The following FRMD5 variants were observed in gnomAD, a reference collection of about 807,000 sequenced individuals.
The protein encoded by FRMD5 is FERM domain-containing protein 5.
In FRMD5, 20 loss-of-function variants were observed where a neutral mutation model predicts 69.0. The observed-to-expected ratio is 0.29, with a 90% confidence interval of 0.20 to 0.42. The LOEUF is 0.42. Among genes scored for constraint, FRMD5 ranks in the 10% least tolerant of loss-of-function variants. The probability of loss-of-function intolerance (pLI) is 1.00; values close to 1 mark genes in which losing one functional copy is unlikely to be tolerated. For synonymous variants in FRMD5, 271 were observed against 260.1 expected (o/e 1.04, Z -0.40); for missense variants, 595 against 708.6 (o/e 0.84, Z 1.82).
chr15:44,148,540 G>A (rs2077393572), intron 1 of FRMD5, among the ~76,000 whole-genome samples: 1 of 152,130 alleles, frequency 6.6e-6, no homozygotes, highest in South Asian at 2.1e-4. Context: ...CAAAGTGCTG[G>A]GATTACAGGC....
intron 1 of FRMD5, among the ~76,000 whole-genome samples, chr15:44,193,892 C>T (rs1250883344): frequency 6.6e-6 from 1 of 152,230 alleles, no homozygotes; most frequent in Non-Finnish European, 1.5e-5. Flanking sequence ...TTTTGTCTGT[C>T]ACATCTGAGC....
At chr15:43,929,160 C>A (rs1372408214) in intron 1 of FRMD5, among the ~76,000 whole-genome samples, 2 of 152,170 alleles carry the variant, frequency 1.3e-5, no homozygotes, top group Non-Finnish European at 2.9e-5. Context: ...TTGCTCCTCC[C>A]TGGAACGCCT....
At chr15:43,962,751 G>T (rs1284209230) in intron 1 of FRMD5, among the ~76,000 whole-genome samples, 1 of 152,076 alleles carries the variant, frequency 6.6e-6, no homozygotes, top group Non-Finnish European at 1.5e-5. Flanking sequence ...AAATAATGCC[G>T]CATATCTACA....
intron 1 of FRMD5, among the ~76,000 whole-genome samples, chr15:44,066,368 C>A (rs923373553): frequency 6.6e-6 from 1 of 152,088 alleles, no homozygotes; most frequent in Non-Finnish European, 1.5e-5. Context: ...ATAGTAAGGG[C>A]CACACAGTCG....
At chr15:43,985,897 C>G (rs1889372939) in intron 1 of FRMD5, among the ~76,000 whole-genome samples, 1 of 152,028 alleles carries the variant, frequency 6.6e-6, no homozygotes, top group African/African-American at 2.4e-5. Flanking sequence ...GCATATATAC[C>G]AGAAAAAGAT....
At chr15:43,999,008 C>G (rs1890062696) in intron 1 of FRMD5, among the ~76,000 whole-genome samples, 1 of 152,168 alleles carries the variant, frequency 6.6e-6, no homozygotes. Context: ...AGGAAACAAA[C>G]AGACGATAAT....
intron 1 of FRMD5, among the ~76,000 whole-genome samples, chr15:44,189,780 C>A (rs1180678021): frequency 2.6e-5 from 4 of 152,162 alleles, no homozygotes; most frequent in African/African-American, 7.2e-5. Flanking sequence ...GCATGAGCCA[C>A]CATGTCTAGC....
At chr15:43,982,559 TG>T (rs2140626842) in intron 1 of FRMD5, among the ~76,000 whole-genome samples, 1 of 152,338 alleles carries the variant, frequency 6.6e-6, no homozygotes, top group South Asian at 2.1e-4. Flanking sequence ...TAAATCTTGG[TG>T]CTCACTTCCT....
In FRMD5 at chr15:43,871,175, AG is replaced by A. The variant is rs1292312656; in HGVS notation, c.*2709del. 1.3e-5 allele frequency: 2 copies of A among 152,228 alleles called. No individual in the cohort carries two copies. Among genetic ancestry groups the A allele is most frequent in the African/African-American group, 4.8e-5 (2 of 41,466 alleles). The allele number at this position is 152,228 out of a possible 1,614,324, so 9.4% of individuals were successfully genotyped here. A position where few individuals can be genotyped will look rare whatever the true frequency, so the allele number is the denominator to read the frequency against. ...AAAAAGACTAGTCACCAATCAAAGG[AG>A]GTTTATTATTCAAGCACTATTTGAA... On this transcript the variant is annotated 3_prime_UTR_variant, in exon 14 of 14. Coordinates refer to ENST00000417257, the MANE Select transcript of FRMD5 (RefSeq NM_032892.5).
chr15:44,175,869 A>T (rs1311543670), intron 1 of FRMD5, among the ~76,000 whole-genome samples: 4 of 152,166 alleles, frequency 2.6e-5, no homozygotes, highest in African/African-American at 7.2e-5. Flanking sequence ...GCATTTTTTT[A>T]AAAATTAAAG....
chr15:44,009,105 C>T (rs1890596060), intron 1 of FRMD5, among the ~76,000 whole-genome samples: 1 of 152,158 alleles, frequency 6.6e-6, no homozygotes. Context: ...ATCTTAGTTC[C>T]TACCAAGTAG....
chr15:44,011,266 A>AT (rs1459529464), intron 1 of FRMD5, among the ~76,000 whole-genome samples: 1 of 149,962 alleles, frequency 6.7e-6, no homozygotes, highest in African/African-American at 2.5e-5. Context: ...ACTGAAGACG[A>AT]TAAGAACTGC....
chr15:43,990,419 T>C (rs1004772445), intron 1 of FRMD5, among the ~76,000 whole-genome samples: 2 of 152,248 alleles, frequency 1.3e-5, no homozygotes, highest in Non-Finnish European at 2.9e-5. Context: ...ATTTATAATG[T>C]TTTAAATTAC....
intron 1 of FRMD5, among the ~76,000 whole-genome samples, chr15:43,995,853 T>C (rs1308659676): frequency 2.0e-5 from 3 of 151,936 alleles, no homozygotes; most frequent in African/African-American, 7.3e-5. Context: ...TTGGTCCACA[T>C]GGATGTTCCT....
chr15:44,119,747 T>A (rs959370310), intron 1 of FRMD5, among the ~76,000 whole-genome samples: 29 of 124,220 alleles, frequency 2.3e-4, no homozygotes, highest in African/African-American at 6.1e-4. Flanking sequence ...TTTTTTTTTT[T>A]AAGTTTAAGG....
At chr15:44,092,713 T>G (rs1282973303) in intron 1 of FRMD5, among the ~76,000 whole-genome samples, 2 of 152,042 alleles carry the variant, frequency 1.3e-5, no homozygotes, top group African/African-American at 4.8e-5. Flanking sequence ...ACCATGCTAT[T>G]TTTTTCTGAC....
Position 43,922,008 on chromosome 15 carries a change from G to T in FRMD5, c.207+2197C>A, listed in dbSNP as rs562221942. Among the ~76,000 whole-genome samples, 8 of 152,266 alleles carry T rather than the reference G, an allele frequency of 5.3e-5. No homozygotes were observed. The South Asian group carries it at 1.7e-3, about 32-fold the overall frequency. The stretch of plus-strand genomic sequence containing the variant: ...CACCCTGAGGGAGCAGGGGAGCTCA[G>T]CTCCTCCATCCCTACCATGAATCAG... On this transcript the variant is annotated intron_variant, in intron 2 of 13. Transcript: ENST00000417257.
chr15:44,124,080 C>T (rs1284142164), intron 1 of FRMD5, among the ~76,000 whole-genome samples: 1 of 152,054 alleles, frequency 6.6e-6, no homozygotes, highest in Non-Finnish European at 1.5e-5. Flanking sequence ...CAACCTCTGC[C>T]TCCTTGGGTT....
chr15:44,157,752 C>T (rs2077550729), intron 1 of FRMD5, among the ~76,000 whole-genome samples: 1 of 151,878 alleles, frequency 6.6e-6, no homozygotes, highest in Non-Finnish European at 1.5e-5. Context: ...TGAAAGAGTA[C>T]AATTCAGGAG....
Sources: gnomAD v4.1 joint callset for allele counts (sites outside exome capture counted in the v4.1 genomes callset) on GRCh38, gnomAD v4.1.1 for gene constraint, MANE v1.5 for transcripts, NCBI Gene and HGNC (gene_info 2026-07-23, HGNC 2026-07-21) for gene names.